LPP: variants seen among roughly 807,000 people sequenced by gnomAD.
The protein encoded by LPP is LIM domain containing preferred translocation partner in lipoma.
LPP carries 38 observed loss-of-function variants against 60.4 expected under a neutral mutation model. That is an observed-to-expected ratio of 0.63 (90% CI 0.49 to 0.83). The LOEUF is 0.83. Ranked by LOEUF, LPP falls within the 40% of genes least tolerant of loss-of-function variation. The probability of loss-of-function intolerance (pLI) is 0.00; values close to 1 mark genes in which losing one functional copy is unlikely to be tolerated. For synonymous variants in LPP, 328 were observed against 290.8 expected, an observed-to-expected ratio of 1.13 and a Z score of -1.30; for missense variants, 902 against 783.6, an observed-to-expected ratio of 1.15 and a Z score of -1.80.
intron 7 of LPP, among the ~76,000 whole-genome samples, chr3:188,660,759 A>G (rs1187629498): frequency 6.6e-6 from 1 of 152,010 alleles, no homozygotes; most frequent in East Asian, 1.9e-4. Context: ...ATCCCCACAA[A>G]TCCCACAAAT....
chr3:188,747,904 C>T (rs1048002871), intron 8 of LPP, among the ~76,000 whole-genome samples: 1 of 152,126 alleles, frequency 6.6e-6, no homozygotes, highest in Admixed American at 6.6e-5. Context: ...CTCTGAGCTC[C>T]AGTGTAACAT....
chr3:188,669,380 T>A (rs1186725793), intron 7 of LPP, among the ~76,000 whole-genome samples: 1 of 151,954 alleles, frequency 6.6e-6, no homozygotes, highest in Non-Finnish European at 1.5e-5. Context: ...ATCGAGACCA[T>A]CCTGACTAAC....
chr3:188,728,900 C>T (rs956534484), intron 8 of LPP, among the ~76,000 whole-genome samples: 4 of 149,542 alleles, frequency 2.7e-5, no homozygotes, highest in Admixed American at 1.3e-4. Context: ...GTACCATGAA[C>T]AAATTTAGAG....
chr3:188,552,951 A>C (rs1828548548), intron 6 of LPP, among the ~76,000 whole-genome samples: 1 of 152,196 alleles, frequency 6.6e-6, no homozygotes, highest in African/African-American at 2.4e-5. Context: ...AAAGTAGATA[A>C]GTTCACAACG....
At chr3:188,172,629 A>G (rs1721909557) in intron 1 of LPP, among the ~76,000 whole-genome samples, 1 of 152,166 alleles carries the variant, frequency 6.6e-6, no homozygotes, top group Admixed American at 6.5e-5. Context: ...AGAAAAGTAA[A>G]AATTGTACAG....
chr3:188,294,400 T>C (rs768233903), intron 2 of LPP, among the ~76,000 whole-genome samples: 40 of 152,336 alleles, frequency 2.6e-4, no homozygotes, highest in Middle Eastern at 3.4e-3. Flanking sequence ...TCTCTGAGGA[T>C]TGCTTCAGGG....
intron 2 of LPP, among the ~76,000 whole-genome samples, chr3:188,248,403 C>T (rs1727776722): frequency 6.8e-6 from 1 of 146,208 alleles, no homozygotes; most frequent in African/African-American, 2.5e-5. Context: ...TTTAAGATAA[C>T]TGACCTTTGT....
intron 9 of LPP, among the ~76,000 whole-genome samples, chr3:188,771,927 A>G (rs1736177820): frequency 6.6e-6 from 1 of 152,192 alleles, no homozygotes. Context: ...GTCAGCGGTC[A>G]CCTGCTTTGT....
At chr3:188,770,901 T>C (rs1209451069) in intron 9 of LPP, among the ~76,000 whole-genome samples, 6 of 152,164 alleles carry the variant, frequency 3.9e-5, no homozygotes, top group Non-Finnish European at 7.4e-5. Flanking sequence ...GCAAACCAGT[T>C]TGTTATATGT....
At chr3:188,320,783 C>G (rs1377649876) in intron 2 of LPP, among the ~76,000 whole-genome samples, 1 of 152,156 alleles carries the variant, frequency 6.6e-6, no homozygotes, top group Non-Finnish European at 1.5e-5. Flanking sequence ...GAATGTTTTA[C>G]CTTCTCTGTG....
chr3:188,397,852 G>A (rs575929444), intron 3 of LPP, among the ~76,000 whole-genome samples: 1 of 152,138 alleles, frequency 6.6e-6, no homozygotes, highest in South Asian at 2.1e-4. Flanking sequence ...GACCTCAAAC[G>A]ATCTGCCTTC....
chr3:188,613,175 T>G (rs910844545), intron 7 of LPP, among the ~76,000 whole-genome samples: 3 of 152,078 alleles, frequency 2.0e-5, no homozygotes, highest in African/African-American at 7.2e-5. Context: ...TTCTCTTTGC[T>G]GATTTATAAA....
At chr3:188,740,040 G>T (rs1452972221) in intron 8 of LPP, among the ~76,000 whole-genome samples, 1 of 151,940 alleles carries the variant, frequency 6.6e-6, no homozygotes, top group African/African-American at 2.4e-5. Context: ...GAATATGTTC[G>T]CAGAAATCAC....
intron 6 of LPP, among the ~76,000 whole-genome samples, chr3:188,566,343 A>G (rs1043468736): frequency 1.3e-5 from 2 of 151,976 alleles, no homozygotes; most frequent in Non-Finnish European, 2.9e-5. Context: ...GATTTTATAC[A>G]TAAAATAATA....
At chr3:188,334,972 T>C (rs564392952) in intron 2 of LPP, among the ~76,000 whole-genome samples, 1 of 152,348 alleles carries the variant, frequency 6.6e-6, no homozygotes, top group African/African-American at 2.4e-5. Flanking sequence ...AGATTCTTCT[T>C]GTTTCCTTTG....
At chr3:188,160,298 G>A (rs901300283) in intron 1 of LPP, among the ~76,000 whole-genome samples, 1 of 151,942 alleles carries the variant, frequency 6.6e-6, no homozygotes, top group Non-Finnish European at 1.5e-5. Flanking sequence ...AGGTTCCAGC[G>A]ATTCTCCTAC....
In LPP at chr3:188,875,172, C is replaced by A. The variant is rs1446702105; in HGVS notation, c.*693C>A. On this transcript the variant is annotated 3_prime_UTR_variant, in exon 12 of 12. Coordinates refer to ENST00000617246, the MANE Select transcript of LPP (RefSeq NM_001375462.1). ...ATAGCTAATAAGTAGTGACAGACAA[C>A]CAAGCTTCAATATTTTTCTAAAGAA... The A allele has an allele frequency of 4.6e-6, 1 of 217,684 alleles. No homozygotes were observed. The highest frequency in any genetic ancestry group is 9.2e-6 in the Non-Finnish European group (1 of 108,436). The allele number at this position is 217,684 out of a possible 1,614,324, so 13.5% of individuals were successfully genotyped here.
intron 6 of LPP, among the ~76,000 whole-genome samples, chr3:188,600,413 C>T (rs1840899544): frequency 6.6e-6 from 1 of 151,122 alleles, no homozygotes; most frequent in Admixed American, 6.6e-5. Context: ...TCCTTCTAGC[C>T]ATATATGTAT....
intron 7 of LPP, among the ~76,000 whole-genome samples, chr3:188,706,273 A>G (rs1164137853): frequency 1.3e-5 from 2 of 152,140 alleles, no homozygotes; most frequent in African/African-American, 4.8e-5. Flanking sequence ...TCCCTGTCTC[A>G]CAAAGAGGAG....
Sources: gnomAD v4.1 joint callset for allele counts (sites outside exome capture counted in the v4.1 genomes callset) on GRCh38, gnomAD v4.1.1 for gene constraint, MANE v1.5 for transcripts, NCBI Gene and HGNC (gene_info 2026-07-23, HGNC 2026-07-21) for gene names.